The following TTI1 variants were observed in gnomAD, a reference collection of about 807,000 sequenced individuals.
The protein encoded by TTI1 is TELO2-interacting protein 1 homolog.
A neutral mutation model predicts 85.4 loss-of-function variants in TTI1; 52 were observed. The ratio of observed to expected loss-of-function variants is 0.61; its 90% CI spans 0.49 to 0.77. The LOEUF (loss-of-function observed/expected upper bound fraction) is 0.77, where lower values mean the gene tolerates loss of function less well. TTI1 is among the 30% of genes least tolerant of loss of function. The pLI is 0.00. For missense variants in TTI1, 1,173 were observed against 1,296.0 expected, an observed-to-expected ratio of 0.91 and a Z score of 1.46; for synonymous variants, 512 against 503.9, an observed-to-expected ratio of 1.02 and a Z score of -0.22.
chr20:38,017,013 C>T (rs1169238507), intron 1 of TTI1, among the ~76,000 whole-genome samples: 3 of 152,168 alleles, frequency 2.0e-5, no homozygotes, highest in African/African-American at 7.2e-5. Flanking sequence ...ATAAAACTTG[C>T]AATTTTCTAA....
Position 37,993,296 on chromosome 20 carries a change from G to A in TTI1, c.3086+3079C>T, listed in dbSNP as rs1055365818. On this transcript the variant is annotated intron_variant, in intron 7 of 7. Coordinates refer to ENST00000373447, the MANE Select transcript of TTI1 (RefSeq NM_001303457.2). ...AGCATTAAACTGGAATGGCATCTCCGTTCTTAGCATTTACAACCTCGGTTA... is the reference window on the plus strand; with the variant it reads ...AGCATTAAACTGGAATGGCATCTCCATTCTTAGCATTTACAACCTCGGTTA... Among the ~76,000 whole-genome samples, 3 of 147,878 alleles carry A rather than the reference G, an allele frequency of 2.0e-5. No homozygotes were observed. The East Asian group carries it at 6.0e-4, about 29-fold the overall frequency.
chr20:38,020,323 A>AAAATATAT lies in TTI1; in HGVS notation c.-41-6467_-41-6466insATATATTT. Among the ~76,000 whole-genome samples, 297 of 50,342 alleles carry AAAATATAT rather than the reference A, an allele frequency of 5.9e-3. 5 individuals carry two copies. Among genetic ancestry groups the AAAATATAT allele is most frequent in the Non-Finnish European group, 8.8e-3 (243 of 27,736 alleles). The allele number at this position is 50,342 out of a possible 152,430, so 33.0% of individuals were successfully genotyped here. On this transcript the variant is annotated intron_variant, in intron 1 of 7. Coordinates refer to ENST00000373447, the MANE Select transcript of TTI1 (RefSeq NM_001303457.2). ...GGCTACTCATATGAAAAAAAAAAAA[A>AAAATATAT]ATATATATATATATATATATATATA...
intron 2 of TTI1, among the ~76,000 whole-genome samples, chr20:38,008,205 T>C (rs985916124): frequency 6.6e-6 from 1 of 152,216 alleles, no homozygotes; most frequent in Admixed American, 6.5e-5. Flanking sequence ...GTACAACCTC[T>C]TAGAGAGCAA....
At position 37,996,746 on chromosome 20, in the gene TTI1, C is replaced by T. The variant is rs2073346615; in HGVS notation, c.2998+3G>A. 1 of 1,603,172 alleles carries T rather than the reference C, an allele frequency of 6.2e-7. No homozygotes were observed. The highest frequency in any genetic ancestry group is 8.5e-7 in the Non-Finnish European group (1 of 1,172,764). On this transcript the variant is annotated splice_donor_region_variant and intron_variant, in intron 6 of 7. Transcript: ENST00000373447. ...TGTTCAGGTGGAACTGCCTGGTACC[C>T]ACCTAGGTCCAGTCTCTCACAGAGG... is the stretch of plus-strand genomic sequence containing the variant.
intron 2 of TTI1, 121 bp from the exon 3 acceptor site, chr20:38,006,518 G>GGAGCCAGGCAGGGA: frequency 9.4e-7 from 1 of 1,067,064 alleles, no homozygotes; most frequent in Non-Finnish European, 1.4e-6. Flanking sequence ...TCCCTGCCTG[G>GGAGCCAGGCAGGGA]CTCCCCGGCC....
chr20:37,993,290 A>C (rs2073292019), intron 7 of TTI1, among the ~76,000 whole-genome samples: 1 of 148,616 alleles, frequency 6.7e-6, no homozygotes. Flanking sequence ...CTGGAATGGC[A>C]TCTCCGTTCT....
chr20:37,988,455 T>G (rs894350842), intron 7 of TTI1, among the ~76,000 whole-genome samples: 1 of 152,166 alleles, frequency 6.6e-6, no homozygotes, highest in Non-Finnish European at 1.5e-5. Flanking sequence ...CAAAGAGAGA[T>G]CTAGAAAACC....
chr20:37,991,782 C>T (rs1285316163), intron 7 of TTI1, among the ~76,000 whole-genome samples: 3 of 152,214 alleles, frequency 2.0e-5, no homozygotes, highest in Admixed American at 1.3e-4. Flanking sequence ...AATATACCTT[C>T]AGAACATAAG....
intron 5 of TTI1, among the ~76,000 whole-genome samples, chr20:37,998,074 C>T (rs529284602): frequency 7.9e-5 from 12 of 152,214 alleles, no homozygotes; most frequent in South Asian, 6.2e-4. Context: ...GGATTATAGG[C>T]GCCTGCCACT....
At chr20:38,013,926 T>C in intron 1 of TTI1, 69 bp from the exon 2 acceptor site, 1 of 1,474,436 alleles carries the variant, frequency 6.8e-7, no homozygotes, top group Non-Finnish European at 9.0e-7. Context: ...TTGCATTCAT[T>C]CATTCAACAG....
intron 2 of TTI1, among the ~76,000 whole-genome samples, chr20:38,010,698 G>A (rs910651960): frequency 7.3e-5 from 11 of 151,532 alleles, no homozygotes; most frequent in African/African-American, 2.2e-4. Context: ...GGATGGTCTC[G>A]ATCTCCTGAC....
At chr20:38,005,969 G>T in intron 3 of TTI1, 1 of 499,220 alleles carries the variant, frequency 2.0e-6, no homozygotes, top group Non-Finnish European at 3.6e-6. Flanking sequence ...AAGCAGAGTT[G>T]CTTATAACTA....
chr20:38,026,707 A>C (rs894207314), intron 1 of TTI1, among the ~76,000 whole-genome samples: 4 of 152,232 alleles, frequency 2.6e-5, no homozygotes, highest in African/African-American at 9.6e-5. Context: ...AGAAAATGAT[A>C]AGAAATCCTG....
chr20:37,995,247 A>G (rs2073322628), intron 7 of TTI1, among the ~76,000 whole-genome samples: 1 of 152,206 alleles, frequency 6.6e-6, no homozygotes, highest in South Asian at 2.1e-4. Context: ...ACAGGAAGAA[A>G]AAAGGAAATG....
At chr20:37,993,915 G>A (rs2073301422) in intron 7 of TTI1, among the ~76,000 whole-genome samples, 1 of 152,224 alleles carries the variant, frequency 6.6e-6, no homozygotes, top group East Asian at 1.9e-4. Context: ...TGGGACCAGT[G>A]GTGAGGTCTG....
At chr20:37,986,399 T>TAACA (rs2073190765) in intron 7 of TTI1, among the ~76,000 whole-genome samples, 3 of 152,232 alleles carry the variant, frequency 2.0e-5, no homozygotes, top group Non-Finnish European at 4.4e-5. Context: ...CCACTCTTTT[T>TAACA]GCCCTGCAAG....
chr20:38,000,227 G>A (rs2073403013), intron 4 of TTI1, among the ~76,000 whole-genome samples: 1 of 152,188 alleles, frequency 6.6e-6, no homozygotes, highest in African/African-American at 2.4e-5. Flanking sequence ...GAGATGGGGA[G>A]CACGCGGGAG....
intron 3 of TTI1, among the ~76,000 whole-genome samples, chr20:38,003,164 T>C (rs888449766): frequency 2.6e-5 from 4 of 152,182 alleles, no homozygotes; most frequent in Non-Finnish European, 5.9e-5. Flanking sequence ...GGTCTCACTA[T>C]GTTGCCCAGG....
chr20:37,994,614 A>AT (rs1055275533), intron 7 of TTI1, among the ~76,000 whole-genome samples: 24 of 151,834 alleles, frequency 1.6e-4, no homozygotes, highest in African/African-American at 5.3e-4. Context: ...ATCAAGACTG[A>AT]TTTTTTTTCC....
Sources: gnomAD v4.1 joint callset for allele counts (sites outside exome capture counted in the v4.1 genomes callset) on GRCh38, gnomAD v4.1.1 for gene constraint, MANE v1.5 for transcripts, NCBI Gene and HGNC (gene_info 2026-07-23, HGNC 2026-07-21) for gene names.